DAB1: variants seen among roughly 807,000 people sequenced by gnomAD.
DAB1 encodes disabled homolog 1.
DAB1 carries 15 observed loss-of-function variants against 64.6 expected under a neutral mutation model. The ratio of observed to expected loss-of-function variants is 0.23; its 90% CI spans 0.16 to 0.36. DAB1 has a LOEUF of 0.36. Among genes scored for constraint, DAB1 ranks in the 10% least tolerant of loss-of-function variants. DAB1 has a pLI of 1.00. For missense variants in DAB1, 596 were observed against 706.7 expected, an observed-to-expected ratio of 0.84 and a Z score of 1.78; for synonymous variants, 235 against 251.9, an observed-to-expected ratio of 0.93 and a Z score of 0.64.
chr1:57,311,885 C>G (rs1674741965), intron 1 of DAB1, among the ~76,000 whole-genome samples: 1 of 152,068 alleles, frequency 6.6e-6, no homozygotes, highest in Non-Finnish European at 1.5e-5. Context: ...TAATGAAGAC[C>G]ACAAGGTGAA....
chr1:58,488,613 C>T (rs538499366), intron 3 of DAB1, among the ~76,000 whole-genome samples: 4 of 151,942 alleles, frequency 2.6e-5, no homozygotes, highest in East Asian at 3.9e-4. Context: ...CACCATGTCT[C>T]GCTAATTTTT....
intron 2 of DAB1, among the ~76,000 whole-genome samples, chr1:57,159,721 G>A (rs563689945): frequency 3.0e-4 from 45 of 152,056 alleles, no homozygotes; most frequent in African/African-American, 1.1e-3. Flanking sequence ...CAGTCACAGG[G>A]CCCAAAGGTC....
At chr1:58,474,880 C>T (rs77983941) in intron 3 of DAB1, among the ~76,000 whole-genome samples, 2,527 of 152,272 alleles carry the variant, frequency 0.017, 53 homozygotes, top group East Asian at 0.12. Flanking sequence ...CCTGTGAACC[C>T]TCATTTTCTT....
chr1:57,158,387 C>T (rs1660438925), intron 2 of DAB1, among the ~76,000 whole-genome samples: 1 of 152,130 alleles, frequency 6.6e-6, no homozygotes, highest in African/African-American at 2.4e-5. Flanking sequence ...ATAGGGAGAT[C>T]ACCTTGTAAA....
chr1:58,503,523 T>A (rs1645941496), intron 3 of DAB1, among the ~76,000 whole-genome samples: 1 of 152,148 alleles, frequency 6.6e-6, no homozygotes, highest in South Asian at 2.1e-4. Context: ...TGTCAAAATT[T>A]ATATGTTGAA....
intron 5 of DAB1, among the ~76,000 whole-genome samples, chr1:58,114,705 G>A (rs1425645851): frequency 6.6e-6 from 1 of 152,204 alleles, no homozygotes; most frequent in East Asian, 1.9e-4. Flanking sequence ...TGCTGACCCT[G>A]ACGTAGAACA....
chr1:57,138,348 A>G (rs1194451524), intron 3 of DAB1, among the ~76,000 whole-genome samples: 1 of 152,154 alleles, frequency 6.6e-6, no homozygotes, highest in Non-Finnish European at 1.5e-5. Flanking sequence ...TTGGTCAAAG[A>G]GCTGAGACTA....
chr1:57,633,126 G>A (rs1338477671), intron 7 of DAB1, among the ~76,000 whole-genome samples: 1 of 152,244 alleles, frequency 6.6e-6, no homozygotes, highest in African/African-American at 2.4e-5. Context: ...GAGCCCCTGA[G>A]TAGAGCTCTC....
chr1:57,952,386 C>T (rs1221969166), intron 5 of DAB1, among the ~76,000 whole-genome samples: 2 of 152,078 alleles, frequency 1.3e-5, no homozygotes, highest in Non-Finnish European at 2.9e-5. Flanking sequence ...CCAGACAGCC[C>T]AACAGCTCCA....
chr1:57,458,143 A>T lies in DAB1; in HGVS notation n.626-166977T>A, dbSNP rs555768461. Among the ~76,000 whole-genome samples the T allele has an allele frequency of 4.6e-5, 7 of 152,234 alleles. No homozygotes were observed. The South Asian group carries it at 1.5e-3, about 32-fold the overall frequency. ...TTCATATGTAAGTATATTTACATACATTTATTTGTAGCACATATGTATACA... is the reference window on the plus strand; with the variant it reads ...TTCATATGTAAGTATATTTACATACTTTTATTTGTAGCACATATGTATACA... On this transcript the variant is annotated intron_variant and non_coding_transcript_variant, in intron 7 of 20. Coordinates refer to the DAB1 transcript ENST00000485760.
chr1:57,662,325 T>C (rs1361589515), intron 6 of DAB1, among the ~76,000 whole-genome samples: 2 of 152,122 alleles, frequency 1.3e-5, no homozygotes, highest in Non-Finnish European at 2.9e-5. Flanking sequence ...CCTTCCTTTG[T>C]AGCTGGAATT....
intron 4 of DAB1, among the ~76,000 whole-genome samples, chr1:58,225,027 C>T (rs1340835278): frequency 3.3e-5 from 5 of 152,148 alleles, no homozygotes; most frequent in Admixed American, 1.3e-4. Context: ...AACAGACAAC[C>T]TACAGAATGG....
chr1:58,493,973 A>C (rs12063488), intron 3 of DAB1, among the ~76,000 whole-genome samples: 1,876 of 115,904 alleles, frequency 0.016, 201 homozygotes, highest in Non-Finnish European at 0.021. Context: ...AATCCTAAGC[A>C]AAAAGAACAA....
At chr1:57,943,038 C>T (rs964492437) in intron 5 of DAB1, among the ~76,000 whole-genome samples, 2 of 152,136 alleles carry the variant, frequency 1.3e-5, no homozygotes, top group Non-Finnish European at 2.9e-5. Context: ...AAAATTACTA[C>T]CATCCTTATT....
At chr1:57,499,290 T>C (rs560854363) in intron 7 of DAB1, among the ~76,000 whole-genome samples, 10 of 152,236 alleles carry the variant, frequency 6.6e-5, no homozygotes, top group African/African-American at 1.7e-4. Flanking sequence ...ATATGTTTAA[T>C]GGAGGAAGGT....
At chr1:58,501,060 C>T (rs912220383) in intron 3 of DAB1, among the ~76,000 whole-genome samples, 19 of 151,974 alleles carry the variant, frequency 1.3e-4, no homozygotes, top group African/African-American at 7.3e-5. Context: ...GTTATGATAA[C>T]CAAAATATGT....
At chr1:57,836,876 C>T (rs912193656) in intron 1 of DAB1, among the ~76,000 whole-genome samples, 2 of 152,166 alleles carry the variant, frequency 1.3e-5, no homozygotes, top group Non-Finnish European at 2.9e-5. Flanking sequence ...TTCAACAAAC[C>T]GAGCACTTCA....
chr1:58,334,933 A>C lies in DAB1; in HGVS notation n.309+8419T>G, dbSNP rs373301403. Among the ~76,000 whole-genome samples, 37 of 152,272 alleles carry C rather than the reference A, an allele frequency of 2.4e-4. No homozygotes were observed. The East Asian group carries it at 6.2e-3, about 25-fold the overall frequency. ...TTACTATGCACTAGCACTTCTGGGG[A>C]ATAGAATGATGAAGAAAATGGACAA... On this transcript the variant is annotated intron_variant and non_coding_transcript_variant, in intron 4 of 20. Coordinates refer to the DAB1 transcript ENST00000485760.
chr1:57,238,476 A>T (rs1485456534), intron 2 of DAB1, among the ~76,000 whole-genome samples: 1 of 152,216 alleles, frequency 6.6e-6, no homozygotes, highest in African/African-American at 2.4e-5. Flanking sequence ...TCTGATGAAG[A>T]TTCGCTCTCT....
Sources: gnomAD v4.1 joint callset for allele counts (sites outside exome capture counted in the v4.1 genomes callset) on GRCh38, gnomAD v4.1.1 for gene constraint, MANE v1.5 for transcripts, NCBI Gene and HGNC (gene_info 2026-07-23, HGNC 2026-07-21) for gene names.